The following FBXL7 variants were observed in gnomAD, a reference collection of about 807,000 sequenced individuals.
The protein encoded by FBXL7 is F-box/LRR-repeat protein 7.
In FBXL7, 12 loss-of-function variants were observed where a neutral mutation model predicts 38.3. The ratio of observed to expected loss-of-function variants is 0.31; its 90% confidence interval spans 0.20 to 0.51. FBXL7 has a LOEUF of 0.51. FBXL7 is among the 20% of genes least tolerant of loss of function. FBXL7 has a pLI of 0.98. For synonymous variants in FBXL7, 297 were observed against 300.9 expected (o/e 0.99, Z 0.13); for missense variants, 567 against 676.4 (o/e 0.84, Z 1.79).
chr5:15,527,902 A>G (rs1482433332), intron 1 of FBXL7, among the ~76,000 whole-genome samples: 1 of 152,146 alleles, frequency 6.6e-6, no homozygotes, highest in Non-Finnish European at 1.5e-5. Flanking sequence ...GTCAGAACAG[A>G]CCTCTTTTAA....
intron 2 of FBXL7, among the ~76,000 whole-genome samples, chr5:15,708,410 C>G (rs951641469): frequency 6.6e-6 from 1 of 152,204 alleles, no homozygotes; most frequent in Non-Finnish European, 1.5e-5. Flanking sequence ...CTAATTTTCC[C>G]TGCTAATTCA....
At chr5:15,675,389 A>C (rs1192579423) in intron 2 of FBXL7, among the ~76,000 whole-genome samples, 2 of 152,318 alleles carry the variant, frequency 1.3e-5, no homozygotes, top group East Asian at 3.9e-4. Flanking sequence ...CAAATAACAC[A>C]ATCTTGTATC....
chr5:15,925,918 T>G (rs1741866983), intron 2 of FBXL7, among the ~76,000 whole-genome samples: 1 of 152,216 alleles, frequency 6.6e-6, no homozygotes, highest in Admixed American at 6.5e-5. Flanking sequence ...TGTTTTTTAC[T>G]TTCAGTACAG....
At chr5:15,651,726 A>G (rs550975771) in intron 2 of FBXL7, among the ~76,000 whole-genome samples, 1 of 152,350 alleles carries the variant, frequency 6.6e-6, no homozygotes, top group African/African-American at 2.4e-5. Flanking sequence ...AGAATGGCAG[A>G]TAGCATTGGC....
chr5:15,591,757 C>T (rs1702383859), intron 1 of FBXL7, among the ~76,000 whole-genome samples: 1 of 152,050 alleles, frequency 6.6e-6, no homozygotes, highest in South Asian at 2.1e-4. Context: ...TGTCACCAGG[C>T]TGGAGTGCAG....
intron 2 of FBXL7, among the ~76,000 whole-genome samples, chr5:15,717,997 A>G (rs558064062): frequency 6.6e-6 from 1 of 152,342 alleles, no homozygotes; most frequent in African/African-American, 2.4e-5. Context: ...TTAATTATTA[A>G]CTTTTCTGCA....
At chr5:15,622,652 A>G (rs1410629089) in intron 2 of FBXL7, among the ~76,000 whole-genome samples, 2 of 152,184 alleles carry the variant, frequency 1.3e-5, no homozygotes, top group African/African-American at 4.8e-5. Context: ...TCCATGGCCA[A>G]TACACTTATT....
intron 2 of FBXL7, among the ~76,000 whole-genome samples, chr5:15,663,161 C>G (rs1742148786): frequency 1.3e-5 from 2 of 152,082 alleles, no homozygotes; most frequent in Admixed American, 1.3e-4. Flanking sequence ...TTGTTTGTGT[C>G]TTCTCTAATT....
intron 2 of FBXL7, among the ~76,000 whole-genome samples, chr5:15,848,830 C>T (rs1739005495): frequency 1.3e-5 from 2 of 152,130 alleles, no homozygotes; most frequent in Admixed American, 1.3e-4. Flanking sequence ...GTTTTTTCTG[C>T]AGAAACTTTA....
intron 2 of FBXL7, among the ~76,000 whole-genome samples, chr5:15,655,401 G>A (rs1399303418): frequency 6.6e-6 from 1 of 151,902 alleles, no homozygotes; most frequent in Non-Finnish European, 1.5e-5. Flanking sequence ...GGCCGAGGCA[G>A]GAGAATCGCT....
At chr5:15,521,721 G>T (rs1480441495) in intron 1 of FBXL7, among the ~76,000 whole-genome samples, 1 of 152,194 alleles carries the variant, frequency 6.6e-6, no homozygotes, top group Non-Finnish European at 1.5e-5. Context: ...AGTAAGTGCA[G>T]TGCTCTCGTG....
At chr5:15,748,797 G>A (rs959505541) in intron 2 of FBXL7, among the ~76,000 whole-genome samples, 1 of 152,136 alleles carries the variant, frequency 6.6e-6, no homozygotes, top group South Asian at 2.1e-4. Context: ...CAAACTTGGG[G>A]ACTCAAGTGA....
At chr5:15,600,373 G>T (rs1386222644) in intron 1 of FBXL7, among the ~76,000 whole-genome samples, 1 of 152,040 alleles carries the variant, frequency 6.6e-6, no homozygotes. Flanking sequence ...GTGAGGGAGG[G>T]GTATAACAAG....
At chr5:15,930,695 A>G (rs60482114) in intron 3 of FBXL7, among the ~76,000 whole-genome samples, 3,127 of 152,316 alleles carry the variant, frequency 0.021, 98 homozygotes, top group African/African-American at 0.071. Flanking sequence ...CAATGACAAC[A>G]GTGATCTGTA....
intron 1 of FBXL7, among the ~76,000 whole-genome samples, chr5:15,503,076 A>C (rs185032643): frequency 6.6e-6 from 1 of 152,174 alleles, no homozygotes; most frequent in South Asian, 2.1e-4. Flanking sequence ...GTGAACTGCA[A>C]CCTAACTTAA....
At chr5:15,933,877 G>A (rs879564793) in intron 3 of FBXL7, among the ~76,000 whole-genome samples, 6 of 152,184 alleles carry the variant, frequency 3.9e-5, no homozygotes, top group East Asian at 1.9e-4. Flanking sequence ...AGAACTGCCC[G>A]AGAGATTTGA....
At chr5:15,784,109 A>G (rs1300027617) in intron 2 of FBXL7, among the ~76,000 whole-genome samples, 1 of 152,122 alleles carries the variant, frequency 6.6e-6, no homozygotes, top group Non-Finnish European at 1.5e-5. Flanking sequence ...CTCTCACAGT[A>G]GTTATTACCA....
intron 2 of FBXL7, among the ~76,000 whole-genome samples, chr5:15,839,036 C>T (rs1738671307): frequency 6.6e-6 from 1 of 151,318 alleles, no homozygotes. Flanking sequence ...ACTCAAGTTT[C>T]CTCTGCTATG....
intron 2 of FBXL7, among the ~76,000 whole-genome samples, chr5:15,814,402 G>A (rs1019256674): frequency 2.0e-5 from 3 of 152,068 alleles, no homozygotes; most frequent in African/African-American, 7.2e-5. Context: ...ACAGGGAAGG[G>A]AACATCGCAC....
Sources: gnomAD v4.1 joint callset for allele counts (sites outside exome capture counted in the v4.1 genomes callset) on GRCh38, gnomAD v4.1.1 for gene constraint, MANE v1.5 for transcripts, NCBI Gene and HGNC (gene_info 2026-07-23, HGNC 2026-07-21) for gene names.